The following PTK2B variants were observed in gnomAD, a reference collection of about 807,000 sequenced individuals.
PTK2B encodes the protein protein-tyrosine kinase 2-beta.
Under a neutral mutation model 142.9 loss-of-function variants are expected in PTK2B, and 71 were observed. That is an observed-to-expected ratio of 0.50 (90% confidence interval 0.41 to 0.61). The LOEUF (loss-of-function observed/expected upper bound fraction) is 0.61, where lower values mean the gene tolerates loss of function less well. Among genes scored for constraint, PTK2B ranks in the 20% least tolerant of loss-of-function variants. The pLI, the probability that PTK2B is intolerant of heterozygous loss-of-function variation, is 0.00. For synonymous variants in PTK2B, 519 were observed against 503.4 expected (o/e 1.03, Z -0.42); for missense variants, 1,105 against 1,320.4 (o/e 0.84, Z 2.53).
chr8:27,341,278 C>T (rs1371753228), intron 1 of PTK2B, among the ~76,000 whole-genome samples: 1 of 152,198 alleles, frequency 6.6e-6, no homozygotes, highest in African/African-American at 2.4e-5. Flanking sequence ...GAAAGGCGGG[C>T]CCCCGTCTCG....
intron 1 of PTK2B, among the ~76,000 whole-genome samples, chr8:27,355,070 C>G (rs1805320345): frequency 6.6e-6 from 1 of 152,216 alleles, no homozygotes; most frequent in South Asian, 2.1e-4. Context: ...AGCTCTAATA[C>G]TCTGCTACAG....
chr8:27,430,819 A>C, intron 7 of PTK2B, 57 bp from the exon 8 acceptor site: 1 of 1,587,338 alleles, frequency 6.3e-7, no homozygotes, highest in Non-Finnish European at 8.6e-7. Flanking sequence ...ACCCTAAGGG[A>C]AGGAGTGAGA....
intron 2 of PTK2B, among the ~76,000 whole-genome samples, chr8:27,416,638 C>CT (rs1304723689): frequency 6.6e-6 from 1 of 152,196 alleles, no homozygotes; most frequent in Non-Finnish European, 1.5e-5. Context: ...AAGTTAGACT[C>CT]TGTCAGAAGA....
At chr8:27,354,386 A>T (rs905846095) in intron 1 of PTK2B, among the ~76,000 whole-genome samples, 14 of 152,082 alleles carry the variant, frequency 9.2e-5, no homozygotes, top group African/African-American at 2.9e-4. Context: ...GTGTTCTGTG[A>T]TGAGCCGTCT....
At chr8:27,321,251 C>A (rs746199499), upstream of PTK2B, among the ~76,000 whole-genome samples, 22 of 152,170 alleles carry the variant, frequency 1.4e-4, no homozygotes, top group Admixed American at 2.6e-4. Flanking sequence ...CCACCTCAGC[C>A]TCTCAAAGTG....
At chr8:27,401,717 T>C (rs899243282) in intron 2 of PTK2B, among the ~76,000 whole-genome samples, 3 of 152,332 alleles carry the variant, frequency 2.0e-5, no homozygotes, top group African/African-American at 7.2e-5. Flanking sequence ...TTTAAAACTA[T>C]GAGTGACATG....
chr8:27,423,902 G>C (rs1160333015), intron 5 of PTK2B, among the ~76,000 whole-genome samples: 2 of 152,162 alleles, frequency 1.3e-5, no homozygotes, highest in Non-Finnish European at 2.9e-5. Context: ...CGAGTCCTCT[G>C]TACAGAGGAG....
chr8:27,452,960 G>A, intron 27 of PTK2B, 154 bp from the exon 28 acceptor site: 1 of 825,756 alleles, frequency 1.2e-6, no homozygotes, highest in Non-Finnish European at 1.9e-6. Context: ...GAGACCAGGA[G>A]GTTCCTTCCC....
At chr8:27,408,470 A>G (rs1336167767) in intron 2 of PTK2B, among the ~76,000 whole-genome samples, 3 of 152,224 alleles carry the variant, frequency 2.0e-5, no homozygotes, top group African/African-American at 7.2e-5. Flanking sequence ...ATGACTGTCC[A>G]TTGTTTGCTA....
chr8:27,435,686 T>G (rs1810726802), intron 13 of PTK2B, 57 bp from the exon 14 acceptor site: 1 of 1,593,922 alleles, frequency 6.3e-7, no homozygotes. Flanking sequence ...ACCTGATTCC[T>G]GGCGGTGCCC....
rs939288942 is a variant in PTK2B, at chr8:27,453,055, C to G, written c.2549-59C>G. 2.5e-5 allele frequency: 40 copies of G among 1,589,922 alleles called. No individual in the cohort carries two copies. The South Asian group carries it at 4.3e-4, about 17-fold the overall frequency. On this transcript the variant is annotated intron_variant, in intron 27 of 30. Coordinates refer to ENST00000346049, the MANE Select transcript of PTK2B (RefSeq NM_173176.3). The stretch of plus-strand genomic sequence containing the variant: ...GGGGCTCATTTGATGTCAGCAGGTA[C>G]GAAGGGAAGGGTTGGAGTGCTGAGA...
At chr8:27,359,923 C>T (rs147117726) in intron 1 of PTK2B, among the ~76,000 whole-genome samples, 6 of 152,278 alleles carry the variant, frequency 3.9e-5, no homozygotes, top group African/African-American at 7.2e-5. Flanking sequence ...GTTAAACCCC[C>T]GGCCCCAGCT....
In PTK2B at chr8:27,379,188, T is replaced by C. The variant is rs149092171; in HGVS notation, c.-37-18360T>C. On this transcript the variant is annotated intron_variant, in intron 1 of 30. Coordinates refer to ENST00000346049, the MANE Select transcript of PTK2B (RefSeq NM_173176.3). Reference sequence around the variant, plus strand: ...CCGAAGTGAGTCTTTAGATGTATCATGGAAATCAAACCAACATTAAAAGGG... The same window carrying C: ...CCGAAGTGAGTCTTTAGATGTATCACGGAAATCAAACCAACATTAAAAGGG... Among the ~76,000 whole-genome samples the C allele has an allele frequency of 4.6e-5, 7 of 152,332 alleles. No individual in the cohort carries two copies. The East Asian group carries it at 1.3e-3, about 29-fold the overall frequency.
At chr8:27,426,855 T>C (rs140531883) in intron 5 of PTK2B, among the ~76,000 whole-genome samples, 304 of 152,334 alleles carry the variant, frequency 2.0e-3, no homozygotes, top group African/African-American at 7.0e-3. Context: ...CTCTTATTTT[T>C]TATGTGACTT....
Position 27,363,195 on chromosome 8 carries a change from C to G in PTK2B, c.-37-34353C>G, listed in dbSNP as rs1293694555. Among the ~76,000 whole-genome samples the G allele has an allele frequency of 6.6e-6, 1 of 152,156 alleles. No individual in the cohort carries two copies. Among genetic ancestry groups the G allele is most frequent in the Admixed American group, 6.5e-5 (1 of 15,278 alleles). ...GGTCTTCAGCCCAGTTCTGAGGGCC[C>G]CTCTTGAACCAGCTTTTGGGAAGCT... On this transcript the variant is annotated intron_variant, in intron 1 of 30. Coordinates refer to ENST00000346049, the MANE Select transcript of PTK2B (RefSeq NM_173176.3). This position sits in a 1 kb window ranked among gnomAD's most constrained non-coding sequence, Gnocchi z 4.3.
rs571061305 is a variant in PTK2B, at chr8:27,320,393, A to G, written c.-413-2009A>G. 3.9e-5 allele frequency among the ~76,000 whole-genome samples: 6 copies of G among 152,198 alleles called. No homozygotes were observed. In the South Asian group the frequency reaches 1.2e-3, roughly 32 times the overall value. The stretch of plus-strand genomic sequence containing the variant: ...AGATAGCATCAGATCCCACAGGCTA[A>G]GGGCTCAGTCCCACAGGACTGCCCC... On this transcript the variant is annotated intron_variant, in intron 3 of 35. Coordinates refer to the PTK2B transcript ENST00000397501.
chr8:27,459,225 C>T lies in PTK2B; in HGVS notation c.*716C>T, dbSNP rs923517973. On this transcript the variant is annotated 3_prime_UTR_variant, in exon 31 of 31. Transcript: ENST00000346049. ...TCTCTTCCTGCCCCTCTTTCTCTTTCTTCCTTTACTTTCCCTTGCTTTTCC... is the reference window on the plus strand; with the variant it reads ...TCTCTTCCTGCCCCTCTTTCTCTTTTTTCCTTTACTTTCCCTTGCTTTTCC... The T allele has an allele frequency of 4.3e-6, 1 of 234,094 alleles. No individual in the cohort carries two copies. Among genetic ancestry groups the T allele is most frequent in the South Asian group, 1.8e-4 (1 of 5,556 alleles). The allele number at this position is 234,094 out of a possible 1,614,324, so 14.5% of individuals were successfully genotyped here.
upstream of PTK2B, among the ~76,000 whole-genome samples, chr8:27,322,228 C>T (rs1454235562): frequency 6.6e-6 from 1 of 152,044 alleles, no homozygotes; most frequent in South Asian, 2.1e-4. Flanking sequence ...AAAATTTATT[C>T]TACATAATAG....
At chr8:27,313,600 C>A (rs187340870) in intron 3 of PTK2B, among the ~76,000 whole-genome samples, 1 of 152,286 alleles carries the variant, frequency 6.6e-6, no homozygotes, top group East Asian at 1.9e-4. Flanking sequence ...TGCCCGAATG[C>A]ACAGTGCCCT....
Sources: allele counts gnomAD v4.1 joint callset (sites outside exome capture counted in the v4.1 genomes callset), GRCh38; gene constraint gnomAD v4.1.1; non-coding constraint Gnocchi (gnomAD v3.1); transcripts MANE v1.5; gene names NCBI Gene and HGNC (gene_info 2026-07-23, HGNC 2026-07-21).